The following PPARGC1A variants were observed in gnomAD, a reference collection of about 807,000 sequenced individuals.
PPARGC1A encodes peroxisome proliferator-activated receptor gamma coactivator 1-alpha.
A neutral mutation model predicts 88.7 loss-of-function variants in PPARGC1A; 25 were observed. The observed-to-expected ratio is 0.28, with a 90% CI of 0.21 to 0.39. The LOEUF (loss-of-function observed/expected upper bound fraction) is 0.39. Among genes scored for constraint, PPARGC1A ranks in the 10% least tolerant of loss-of-function variants. The probability of loss-of-function intolerance (pLI) is 1.00; values close to 1 mark genes in which losing one functional copy is unlikely to be tolerated. For synonymous variants in PPARGC1A, 363 were observed against 355.6 expected, an observed-to-expected ratio of 1.02 and a Z score of -0.24; for missense variants, 880 against 968.7, an observed-to-expected ratio of 0.91 and a Z score of 1.22.
the PPARGC1A span, among the ~76,000 whole-genome samples, chr4:24,183,895 T>C: frequency 0.098 from 14,887 of 152,258 alleles, 877 homozygotes; most frequent in African/African-American, 0.16. Flanking sequence ...AAACTTCACT[T>C]GCAGTACGTA....
the PPARGC1A span, among the ~76,000 whole-genome samples, chr4:24,387,818 A>AAGAAAAAGAGAGAAAGAG: frequency 7.4e-5 from 6 of 81,098 alleles, no homozygotes; most frequent in African/African-American, 2.9e-4. Context: ...GAAAGAAAGA[A>AAGAAAAAGAGAGAAAGAG]AGAAAGAGAG....
chr4:24,056,733 T>C, the PPARGC1A span, among the ~76,000 whole-genome samples: 2 of 152,154 alleles, frequency 1.3e-5, no homozygotes. Context: ...TTGTGAGGCA[T>C]ATAGCGTACT....
At chr4:24,356,066 G>A in the PPARGC1A span, among the ~76,000 whole-genome samples, 749 of 151,990 alleles carry the variant, frequency 4.9e-3, 6 homozygotes, top group African/African-American at 0.017. Context: ...GCGTGGTGGC[G>A]CGTGCCTGTA....
At chr4:24,291,717 G>A in the PPARGC1A span, among the ~76,000 whole-genome samples, 3 of 152,170 alleles carry the variant, frequency 2.0e-5, no homozygotes, top group South Asian at 4.1e-4. Context: ...TGAACTCAGC[G>A]GCTCTGGGGC....
chr4:23,807,372 T>C (rs571443393), intron 10 of PPARGC1A, among the ~76,000 whole-genome samples: 1 of 152,194 alleles, frequency 6.6e-6, no homozygotes, highest in South Asian at 2.1e-4. Context: ...TAGCATTAAA[T>C]TTGTCCAAAG....
chr4:23,903,343 T>C (rs1463672146), upstream of PPARGC1A, among the ~76,000 whole-genome samples: 2 of 152,224 alleles, frequency 1.3e-5, no homozygotes, highest in Non-Finnish European at 2.9e-5. Flanking sequence ...GTTTTCCACC[T>C]ATTTTGTGTA....
At chr4:24,152,189 C>A in the PPARGC1A span, among the ~76,000 whole-genome samples, 1 of 152,276 alleles carries the variant, frequency 6.6e-6, no homozygotes, top group South Asian at 2.1e-4. Flanking sequence ...AAGAAAGAAG[C>A]TTTTCATTAA....
the PPARGC1A span, among the ~76,000 whole-genome samples, chr4:24,194,009 A>T: frequency 7.9e-5 from 12 of 152,076 alleles, no homozygotes; most frequent in African/African-American, 2.9e-4. Context: ...TGCACCTATA[A>T]TCCCAGCTAC....
chr4:23,961,451 T>C, the PPARGC1A span, among the ~76,000 whole-genome samples: 1 of 152,292 alleles, frequency 6.6e-6, no homozygotes, highest in East Asian at 1.9e-4. Context: ...TTGGGGAGAC[T>C]AGACATCGCC....
chr4:24,079,295 C>T, the PPARGC1A span, among the ~76,000 whole-genome samples: 1 of 152,014 alleles, frequency 6.6e-6, no homozygotes, highest in African/African-American at 2.4e-5. Context: ...CCATCATCAC[C>T]AACAGTATCA....
chr4:23,864,017 G>C (rs1731712576), intron 2 of PPARGC1A, among the ~76,000 whole-genome samples: 1 of 152,170 alleles, frequency 6.6e-6, no homozygotes, highest in South Asian at 2.1e-4. Context: ...AAAGTGCTGG[G>C]ATTACAGGTG....
At chr4:24,159,839 A>G in the PPARGC1A span, among the ~76,000 whole-genome samples, 10 of 152,292 alleles carry the variant, frequency 6.6e-5, no homozygotes, top group African/African-American at 2.4e-4. Context: ...GCTTTTGAAA[A>G]TATCTGAGCC....
chr4:24,374,993 C>T, the PPARGC1A span, among the ~76,000 whole-genome samples: 2 of 147,970 alleles, frequency 1.4e-5, no homozygotes, highest in East Asian at 3.9e-4. Context: ...ATGATCCAAA[C>T]ATCCACCAAC....
chr4:23,804,762 C>T (rs1419056582), intron 10 of PPARGC1A, among the ~76,000 whole-genome samples: 8 of 152,096 alleles, frequency 5.3e-5, no homozygotes, highest in Admixed American at 3.9e-4. Context: ...AAAGCCTTTG[C>T]ACATGCTCTT....
the PPARGC1A span, among the ~76,000 whole-genome samples, chr4:24,370,749 C>CTTTTTTTTT: frequency 2.9e-4 from 18 of 62,870 alleles, 1 homozygote; most frequent in African/African-American, 1.0e-3. Context: ...CTGTCTCTCT[C>CTTTTTTTTT]TTTTTTTTTT....
At chr4:24,118,592 G>A in the PPARGC1A span, among the ~76,000 whole-genome samples, 1 of 152,050 alleles carries the variant, frequency 6.6e-6, no homozygotes, top group African/African-American at 2.4e-5. Context: ...TAGTAACCAC[G>A]TGATCTCTAG....
chr4:24,140,940 T>C, the PPARGC1A span, among the ~76,000 whole-genome samples: 3 of 152,178 alleles, frequency 2.0e-5, no homozygotes, highest in Non-Finnish European at 4.4e-5. Context: ...AAGAGTGCTC[T>C]TGGCAATGCA....
At chr4:24,052,309 A>G in the PPARGC1A span, among the ~76,000 whole-genome samples, 1 of 152,174 alleles carries the variant, frequency 6.6e-6, no homozygotes, top group Non-Finnish European at 1.5e-5. Context: ...TGGGGATGAC[A>G]TGGCCTCTTA....
the PPARGC1A span, among the ~76,000 whole-genome samples, chr4:24,297,263 A>G: frequency 2.0e-5 from 3 of 152,172 alleles, no homozygotes; most frequent in African/African-American, 7.2e-5. Flanking sequence ...GAGGCTGAAT[A>G]GCTTTCCTAG....
Sources: gnomAD v4.1 joint callset for allele counts (sites outside exome capture counted in the v4.1 genomes callset) on GRCh38, gnomAD v4.1.1 for gene constraint, MANE v1.5 for transcripts, NCBI Gene and HGNC (gene_info 2026-07-23, HGNC 2026-07-21) for gene names.